MECOM: variants seen among roughly 807,000 people sequenced by gnomAD.
MECOM encodes the protein histone-lysine N-methyltransferase MECOM.
MECOM carries 13 observed loss-of-function variants against 116.3 expected under a neutral mutation model. The ratio of observed to expected loss-of-function variants is 0.11; its 90% CI spans 0.07 to 0.18. The LOEUF is 0.18. Among genes scored for constraint, MECOM ranks in the 10% least tolerant of loss-of-function variants. The pLI is 1.00. For synonymous variants in MECOM, 528 were observed against 535.2 expected, an observed-to-expected ratio of 0.99 and a Z score of 0.19; for missense variants, 1,299 against 1,509.0, an observed-to-expected ratio of 0.86 and a Z score of 2.31.
At chr3:169,627,425 C>G (rs183380727) in intron 1 of MECOM, among the ~76,000 whole-genome samples, 9 of 152,312 alleles carry the variant, frequency 5.9e-5, no homozygotes, top group African/African-American at 2.2e-4. Flanking sequence ...TGCTTTTCTA[C>G]ACTGCATGAA....
chr3:169,310,273 T>C (rs534541923), intron 2 of MECOM, among the ~76,000 whole-genome samples: 1 of 152,360 alleles, frequency 6.6e-6, no homozygotes, highest in Admixed American at 6.5e-5. Flanking sequence ...ACCTATTATA[T>C]GTGATTCATG....
rs1769219384 is a variant in MECOM, at chr3:169,611,184, A to G, written c.37+52152T>C. The stretch of plus-strand genomic sequence containing the variant: ...GCTTAGGAAACCTTGCCCAAAGGAT[A>G]CCATTCTGTCTCTTGGGAAACTGCC... On this transcript the variant is annotated intron_variant, in intron 1 of 16. Coordinates refer to ENST00000651503, the MANE Select transcript of MECOM (RefSeq NM_004991.4). The surrounding 1 kb of genome is among the most constrained non-coding windows in gnomAD (Gnocchi z 4.1). Among the ~76,000 whole-genome samples, 1 of 152,362 alleles carries G rather than the reference A, an allele frequency of 6.6e-6. No individual in the cohort carries two copies. Among genetic ancestry groups the G allele is most frequent in the East Asian group, 1.9e-4 (1 of 5,190 alleles).
chr3:169,210,598 A>G (rs1331260552), intron 2 of MECOM, among the ~76,000 whole-genome samples: 2 of 152,094 alleles, frequency 1.3e-5, no homozygotes, highest in Non-Finnish European at 2.9e-5. Context: ...AGAAATAGAG[A>G]TCTCATTCTT....
At chr3:169,366,774 C>T (rs7433603) in intron 2 of MECOM, among the ~76,000 whole-genome samples, 7 of 152,158 alleles carry the variant, frequency 4.6e-5, no homozygotes, top group Non-Finnish European at 1.0e-4. Context: ...CCATGCACAC[C>T]TGGGAAGCCT....
chr3:169,421,680 G>GT (rs201013637), intron 1 of MECOM, among the ~76,000 whole-genome samples: 20 of 146,652 alleles, frequency 1.4e-4, no homozygotes, highest in Middle Eastern at 6.8e-3. Flanking sequence ...TAGCATGTTT[G>GT]TTTTTTTAAA....
chr3:169,472,660 A>AGGAG lies in MECOM; in HGVS notation c.38-91137_38-91136insCTCC, dbSNP rs1560319096. ...AAGGAAAGGAAAGGAAAAGAAAAGAAAGGAAAGGAAAGGAGAGGAGAGGAA... is the reference window on the plus strand; with the variant it reads ...AAGGAAAGGAAAGGAAAAGAAAAGAAGGAGAGGAAAGGAAAGGAGAGGAGAGGAA... On this transcript the variant is annotated intron_variant, in intron 1 of 16. Coordinates refer to ENST00000651503, the MANE Select transcript of MECOM (RefSeq NM_004991.4). 5.9e-3 allele frequency among the ~76,000 whole-genome samples: 629 copies of AGGAG among 105,858 alleles called. 86 individuals carry two copies. The highest frequency in any genetic ancestry group is 0.034 in the African/African-American group (580 of 17,182). 69.4% of individuals were successfully genotyped at this position (105,858 alleles called of 152,430 possible). A position where few individuals can be genotyped will look rare whatever the true frequency, so the allele number is the denominator to read the frequency against.
intron 1 of MECOM, among the ~76,000 whole-genome samples, chr3:169,649,056 C>T (rs1774533833): frequency 6.6e-6 from 1 of 152,180 alleles, no homozygotes. Context: ...AGACCCAAGG[C>T]TTGTATTTCT....
At chr3:169,099,047 GGT>G (rs1406751042) in intron 12 of MECOM, among the ~76,000 whole-genome samples, 1 of 150,596 alleles carries the variant, frequency 6.6e-6, no homozygotes, top group Non-Finnish European at 1.5e-5. Flanking sequence ...TTATTATTGT[GGT>G]GTCCTACTTG....
At chr3:169,422,670 G>A (rs374877128) in intron 1 of MECOM, among the ~76,000 whole-genome samples, 1 of 151,948 alleles carries the variant, frequency 6.6e-6, no homozygotes, top group Non-Finnish European at 1.5e-5. Context: ...AAACTCACAA[G>A]CCTTAAGAAT....
At chr3:169,422,080 CT>C (rs1246554094) in intron 1 of MECOM, among the ~76,000 whole-genome samples, 1 of 151,818 alleles carries the variant, frequency 6.6e-6, no homozygotes, top group Non-Finnish European at 1.5e-5. Flanking sequence ...TTATTGGTTT[CT>C]TTTTTAAAAA....
chr3:169,121,465 C>T (rs1404325304), intron 6 of MECOM, among the ~76,000 whole-genome samples: 3 of 152,032 alleles, frequency 2.0e-5, no homozygotes, highest in African/African-American at 7.3e-5. Context: ...CACTATTAGG[C>T]CATATTCAAG....
chr3:169,488,173 A>C (rs114429051), intron 1 of MECOM, among the ~76,000 whole-genome samples: 3,596 of 152,110 alleles, frequency 0.024, 110 homozygotes, highest in African/African-American at 0.072. Flanking sequence ...GAAACACATA[A>C]AATTTGAACA....
At chr3:169,321,130 A>G (rs781277270) in intron 2 of MECOM, among the ~76,000 whole-genome samples, 3 of 152,240 alleles carry the variant, frequency 2.0e-5, no homozygotes, top group Non-Finnish European at 4.4e-5. Flanking sequence ...CATATCTAAG[A>G]CACTGGAAGG....
intron 1 of MECOM, among the ~76,000 whole-genome samples, chr3:169,399,687 C>T (rs1048692890): frequency 6.6e-6 from 1 of 152,110 alleles, no homozygotes; most frequent in African/African-American, 2.4e-5. Context: ...TGAGAATGAG[C>T]CTAGAGTTTG....
intron 2 of MECOM, among the ~76,000 whole-genome samples, chr3:169,222,958 G>T (rs1259494231): frequency 2.0e-5 from 3 of 151,980 alleles, no homozygotes; most frequent in African/African-American, 4.8e-5. Context: ...TTTTCTAAAA[G>T]AAAATGCAAA....
At chr3:169,097,817 T>TAAAGAAAAAAAAA (rs1722142519) in intron 12 of MECOM, among the ~76,000 whole-genome samples, 1 of 87,194 alleles carries the variant, frequency 1.1e-5, no homozygotes, top group African/African-American at 3.9e-5. Flanking sequence ...ACTGTCTATA[T>TAAAGAAAAAAAAA]AAAAAAAAAA....
intron 2 of MECOM, among the ~76,000 whole-genome samples, chr3:169,324,357 C>T (rs956546622): frequency 1.3e-4 from 20 of 152,162 alleles, no homozygotes; most frequent in South Asian, 6.2e-4. Context: ...AGTATGAGAA[C>T]GGGAGATACA....
chr3:169,250,392 C>A (rs945529700), intron 2 of MECOM, among the ~76,000 whole-genome samples: 1 of 152,194 alleles, frequency 6.6e-6, no homozygotes, highest in African/African-American at 2.4e-5. Flanking sequence ...TTAACTGTAA[C>A]TTCTCCTTTC....
chr3:169,332,305 A>AT lies in MECOM; in HGVS notation c.375+48881dup, dbSNP rs141041117. 1.9e-4 allele frequency among the ~76,000 whole-genome samples: 29 copies of AT among 149,806 alleles called. No individual in the cohort carries two copies. The South Asian group carries it at 2.3e-3, about 12-fold the overall frequency. On this transcript the variant is annotated intron_variant, in intron 2 of 16. Coordinates refer to ENST00000651503, the MANE Select transcript of MECOM (RefSeq NM_004991.4). ...GAAAGTCCTTGCCCTTCGAAGGCTT[A>AT]TTTTTTTTTTCTCCCTGCAAAACTA...
Sources: allele counts gnomAD v4.1 joint callset (sites outside exome capture counted in the v4.1 genomes callset), GRCh38; gene constraint gnomAD v4.1.1; non-coding constraint Gnocchi (gnomAD v3.1); transcripts MANE v1.5; gene names NCBI Gene and HGNC (gene_info 2026-07-23, HGNC 2026-07-21).